The following IRF2 variants were observed in gnomAD, a reference collection of about 807,000 sequenced individuals.
IRF2 encodes the protein interferon regulatory factor 2.
IRF2 carries 15 observed loss-of-function variants against 40.6 expected under a neutral mutation model. The ratio of observed to expected loss-of-function variants is 0.37; its 90% CI spans 0.25 to 0.57. IRF2 has a LOEUF of 0.57. Ranked by LOEUF, IRF2 falls within the 20% of genes least tolerant of loss-of-function variation. The pLI is 0.77. For missense variants in IRF2, 317 were observed against 455.7 expected (o/e 0.70, Z 2.77); for synonymous variants, 151 against 165.5 (o/e 0.91, Z 0.67).
At position 184,408,354 on chromosome 4, in the gene IRF2, C is replaced by T; in HGVS notation, c.412-79G>A. 2 of 894,480 alleles carry T rather than the reference C, an allele frequency of 2.2e-6. No individual in the cohort carries two copies. Among genetic ancestry groups the T allele is most frequent in the South Asian group, 2.7e-5 (2 of 73,298 alleles). The allele number at this position is 894,480 out of a possible 1,614,324, so 55.4% of individuals were successfully genotyped here. A position where few individuals can be genotyped will look rare whatever the true frequency, so the allele number is the denominator to read the frequency against. On this transcript the variant is annotated intron_variant, in intron 5 of 8. Transcript: ENST00000393593. This position sits in a 1 kb window ranked among gnomAD's most constrained non-coding sequence, Gnocchi z 4.9. Reference sequence around the variant, plus strand: ...TCTTAGCTGAAATTCTACCCTCTGCCTACTTTCTTTAATGCTAGGGTCATT... The same window carrying T: ...TCTTAGCTGAAATTCTACCCTCTGCTTACTTTCTTTAATGCTAGGGTCATT...
At chr4:184,421,677 T>C (rs1737487206) in intron 2 of IRF2, among the ~76,000 whole-genome samples, 1 of 152,064 alleles carries the variant, frequency 6.6e-6, no homozygotes, top group Non-Finnish European at 1.5e-5. Context: ...AGACACAAAA[T>C]TGATACAGAT....
At chr4:184,445,879 T>C (rs1265043557) in intron 1 of IRF2, among the ~76,000 whole-genome samples, 1 of 152,206 alleles carries the variant, frequency 6.6e-6, no homozygotes, top group Admixed American at 6.5e-5. Flanking sequence ...CTTTTCTGCA[T>C]ATGGAGTCTG....
chr4:184,465,814 ATCTTTG>A (rs1272154650), intron 1 of IRF2, among the ~76,000 whole-genome samples: 3 of 152,226 alleles, frequency 2.0e-5, no homozygotes, highest in Non-Finnish European at 4.4e-5. Flanking sequence ...GTGTACATAC[ATCTTTG>A]TTCCCATCTC....
At chr4:184,405,105 A>G (rs1166518418) in intron 6 of IRF2, among the ~76,000 whole-genome samples, 1 of 152,106 alleles carries the variant, frequency 6.6e-6, no homozygotes, top group African/African-American at 2.4e-5. Context: ...TTACCCAGGC[A>G]TGGTGGCGCA....
At chr4:184,409,462 A>G (rs1265991690) in intron 5 of IRF2, among the ~76,000 whole-genome samples, 1 of 152,162 alleles carries the variant, frequency 6.6e-6, no homozygotes, top group Non-Finnish European at 1.5e-5. Flanking sequence ...CAAACCATAC[A>G]CTGCCTGGTT....
chr4:184,453,644 A>G (rs1298416571), intron 1 of IRF2, among the ~76,000 whole-genome samples: 1 of 152,232 alleles, frequency 6.6e-6, no homozygotes, highest in Non-Finnish European at 1.5e-5. Flanking sequence ...TGATGCAGAC[A>G]CTGGAGACGT....
intron 3 of IRF2, among the ~76,000 whole-genome samples, chr4:184,419,000 G>A (rs557093044): frequency 7.9e-5 from 12 of 152,290 alleles, no homozygotes; most frequent in East Asian, 1.9e-4. Flanking sequence ...GAGCATCAGC[G>A]TAAGAAAAAT....
chr4:184,444,332 G>T (rs1309923633), intron 1 of IRF2, among the ~76,000 whole-genome samples: 1 of 152,194 alleles, frequency 6.6e-6, no homozygotes, highest in African/African-American at 2.4e-5. Context: ...AAGCCATTCA[G>T]GTCTCCATCC....
intron 5 of IRF2, among the ~76,000 whole-genome samples, chr4:184,417,003 G>A (rs1232614275): frequency 1.3e-5 from 2 of 152,088 alleles, no homozygotes; most frequent in South Asian, 2.1e-4. Flanking sequence ...CCAAGATCGC[G>A]CCATTGCACT....
chr4:184,389,311 G>A lies in IRF2; in HGVS notation c.742-245C>T, dbSNP rs185783488. On this transcript the variant is annotated intron_variant, in intron 8 of 8. Transcript: ENST00000393593. ...TGCACACCTTTAGCCCCAGCAACTC[G>A]GGAGGCTGAGGCGGGAGGATCACTG... 7.2e-4 allele frequency among the ~76,000 whole-genome samples: 109 copies of A among 152,258 alleles called. 1 individual carries two copies. Among genetic ancestry groups the A allele is most frequent in the Middle Eastern group, 3.4e-3 (1 of 294 alleles).
chr4:184,446,486 C>T (rs982915568), intron 1 of IRF2, among the ~76,000 whole-genome samples: 4 of 152,148 alleles, frequency 2.6e-5, no homozygotes, highest in East Asian at 3.9e-4. Flanking sequence ...GTGGGGCAAC[C>T]GTGGGGACAT....
chr4:184,441,004 A>C (rs964996968), intron 1 of IRF2, among the ~76,000 whole-genome samples: 2 of 152,176 alleles, frequency 1.3e-5, no homozygotes, highest in South Asian at 4.1e-4. Context: ...CATACCTTGA[A>C]AGATTGTTCA....
At chr4:184,415,107 C>T (rs1025735593) in intron 5 of IRF2, among the ~76,000 whole-genome samples, 2 of 152,176 alleles carry the variant, frequency 1.3e-5, no homozygotes, top group Non-Finnish European at 2.9e-5. Context: ...CTTGAACAGC[C>T]AGGAAGCACA....
intron 6 of IRF2, among the ~76,000 whole-genome samples, chr4:184,403,861 C>G (rs1258383069): frequency 1.3e-5 from 2 of 152,088 alleles, no homozygotes; most frequent in Admixed American, 1.3e-4. Context: ...TAGAAATCCA[C>G]TAAGTTTCTC....
intron 2 of IRF2, among the ~76,000 whole-genome samples, chr4:184,425,981 TGTTTG>T (rs766855610): frequency 0.011 from 1,121 of 105,014 alleles, 13 homozygotes; most frequent in African/African-American, 0.04. Flanking sequence ...CTCCGGTTTT[TGTTTG>T]TTTGTTTGTT....
intron 6 of IRF2, 44 bp from the exon 7 acceptor site, chr4:184,399,123 C>A (rs749389460): frequency 2.0e-6 from 3 of 1,534,460 alleles, no homozygotes; most frequent in South Asian, 1.3e-5. Flanking sequence ...GCTGACCTCA[C>A]AATTCTAGCA....
rs377322845 is a variant in IRF2 at position 184,461,452 on chromosome 4, T to G, written c.-7+12927A>C. Among the ~76,000 whole-genome samples, 135 of 152,350 alleles carry G rather than the reference T, an allele frequency of 8.9e-4. 3 individuals carry two copies. The South Asian group carries it at 0.024, about 28-fold the overall frequency. On this transcript the variant is annotated intron_variant, in intron 1 of 8. Coordinates refer to ENST00000393593, the MANE Select transcript of IRF2 (RefSeq NM_002199.4). ...AGATAAGTAAAATCGTTTCTGGAAC[T>G]GTCATCTTACTTGCCTAATTGTGTT...
chr4:184,423,850 C>T (rs1737569420), intron 2 of IRF2, among the ~76,000 whole-genome samples: 1 of 152,176 alleles, frequency 6.6e-6, no homozygotes, highest in Admixed American at 6.5e-5. Context: ...AACCTGTGGA[C>T]AGTCTTTGAA....
chr4:184,424,168 A>C (rs1045400042), intron 2 of IRF2, among the ~76,000 whole-genome samples: 1 of 152,208 alleles, frequency 6.6e-6, no homozygotes, highest in Non-Finnish European at 1.5e-5. Flanking sequence ...GGGCTACTCA[A>C]ACATGCTATG....
Sources: allele counts gnomAD v4.1 joint callset (sites outside exome capture counted in the v4.1 genomes callset), GRCh38; gene constraint gnomAD v4.1.1; non-coding constraint Gnocchi (gnomAD v3.1); transcripts MANE v1.5; gene names NCBI Gene and HGNC (gene_info 2026-07-23, HGNC 2026-07-21).